Variants in RCAN1 observed in about 807,000 individuals in gnomAD.
RCAN1 encodes the protein regulator of calcineurin 1, also known as calcipressin-1.
RCAN1 carries 11 observed loss-of-function variants against 22.9 expected under a neutral mutation model. That is an observed-to-expected ratio of 0.48 (90% confidence interval 0.30 to 0.79). The LOEUF (loss-of-function observed/expected upper bound fraction) is 0.79, where lower values mean the gene tolerates loss of function less well. Ranked by LOEUF, RCAN1 falls within the 30% of genes least tolerant of loss-of-function variation. RCAN1 has a pLI of 0.06. For missense variants in RCAN1, 291 were observed against 337.8 expected, an observed-to-expected ratio of 0.86 and a Z score of 1.09; for synonymous variants, 136 against 142.3, an observed-to-expected ratio of 0.96 and a Z score of 0.32.
chr21:34,525,020 C>T (rs1601134095), intron 1 of RCAN1: 2 of 1,536,620 alleles, frequency 1.3e-6, no homozygotes, highest in East Asian at 4.9e-5. Context: ...GCAGAAGGGG[C>T]TGGCCAGGAA....
At chr21:34,583,825 C>G (rs1212857633) in intron 1 of RCAN1, among the ~76,000 whole-genome samples, 1 of 152,176 alleles carries the variant, frequency 6.6e-6, no homozygotes, top group Non-Finnish European at 1.5e-5. Flanking sequence ...TTAGAGACCC[C>G]ATGACCATAT....
intron 1 of RCAN1, among the ~76,000 whole-genome samples, chr21:34,550,402 G>A (rs114841256): frequency 0.011 from 1,708 of 152,298 alleles, 22 homozygotes; most frequent in African/African-American, 0.039. Flanking sequence ...TGTATTTGGA[G>A]GTAGGGCCTT....
chr21:34,574,733 T>A (rs902271252), intron 1 of RCAN1, among the ~76,000 whole-genome samples: 9 of 152,268 alleles, frequency 5.9e-5, no homozygotes, highest in Non-Finnish European at 1.2e-4. Flanking sequence ...TTTCAGCAGT[T>A]GTTTGAGTGT....
At chr21:34,551,707 C>T (rs771989168) in intron 1 of RCAN1, among the ~76,000 whole-genome samples, 10 of 152,138 alleles carry the variant, frequency 6.6e-5, no homozygotes, top group Admixed American at 1.3e-4. Flanking sequence ...TTTTCCCTTG[C>T]CACTAATGTC....
intron 1 of RCAN1, among the ~76,000 whole-genome samples, chr21:34,589,778 C>A (rs529438163): frequency 6.6e-6 from 1 of 152,112 alleles, no homozygotes; most frequent in Non-Finnish European, 1.5e-5. Flanking sequence ...CTTCTCCCAC[C>A]CTCGGGCTGG....
intron 1 of RCAN1, among the ~76,000 whole-genome samples, chr21:34,565,094 C>T (rs971282175): frequency 2.6e-5 from 4 of 152,032 alleles, no homozygotes; most frequent in Admixed American, 2.6e-4. Flanking sequence ...CACCTGTGCC[C>T]AGCTACTGGG....
chr21:34,567,760 C>T (rs895955192), intron 1 of RCAN1, among the ~76,000 whole-genome samples: 2 of 152,134 alleles, frequency 1.3e-5, no homozygotes, highest in African/African-American at 2.4e-5. Flanking sequence ...GCAGCACGGG[C>T]GCCACTGGAA....
chr21:34,525,801 T>C (rs1461213324), intron 1 of RCAN1, among the ~76,000 whole-genome samples: 1 of 152,244 alleles, frequency 6.6e-6, no homozygotes, highest in East Asian at 1.9e-4. Flanking sequence ...GAACTCACTT[T>C]GTAGTACTTT....
At chr21:34,593,372 C>T (rs541639727) in intron 1 of RCAN1, among the ~76,000 whole-genome samples, 2 of 152,356 alleles carry the variant, frequency 1.3e-5, no homozygotes, top group South Asian at 4.1e-4. Flanking sequence ...ATATGCAAGG[C>T]TCATCCTCCT....
At chr21:34,547,473 T>C (rs755155987) in intron 1 of RCAN1, among the ~76,000 whole-genome samples, 4 of 152,228 alleles carry the variant, frequency 2.6e-5, no homozygotes, top group Admixed American at 1.3e-4. Flanking sequence ...CCAATGCTAA[T>C]GGATTGAATT....
chr21:34,611,600 C>T (rs1036045855), intron 1 of RCAN1, among the ~76,000 whole-genome samples: 1 of 152,152 alleles, frequency 6.6e-6, no homozygotes, highest in African/African-American at 2.4e-5. Flanking sequence ...CATCACTCTC[C>T]AGATCCAACA....
At chr21:34,579,252 C>T (rs1391778764) in intron 1 of RCAN1, among the ~76,000 whole-genome samples, 1 of 152,062 alleles carries the variant, frequency 6.6e-6, no homozygotes, top group Non-Finnish European at 1.5e-5. Context: ...AAAAATTAGC[C>T]AGGTACGGTG....
At chr21:34,535,608 C>T (rs1181645524) in intron 1 of RCAN1, among the ~76,000 whole-genome samples, 1 of 151,868 alleles carries the variant, frequency 6.6e-6, no homozygotes, top group East Asian at 1.9e-4. Flanking sequence ...CAGCCAGGCA[C>T]AGTTCTGATA....
intron 1 of RCAN1, among the ~76,000 whole-genome samples, chr21:34,593,222 T>C (rs1197670367): frequency 1.3e-5 from 2 of 152,214 alleles, no homozygotes; most frequent in Non-Finnish European, 2.9e-5. Flanking sequence ...GGGAACACTA[T>C]AGTGAAGCAC....
intron 1 of RCAN1, among the ~76,000 whole-genome samples, chr21:34,611,828 G>A (rs1988694395): frequency 6.6e-6 from 1 of 152,188 alleles, no homozygotes; most frequent in Admixed American, 6.5e-5. Context: ...AGCTAAATGA[G>A]AAATGGTCCA....
chr21:34,613,868 G>A, intron 1 of RCAN1: 1 of 1,418,370 alleles, frequency 7.1e-7, no homozygotes, highest in Non-Finnish European at 9.4e-7. Flanking sequence ...TGGACCCACA[G>A]CCAAGCGCTG....
intron 1 of RCAN1, among the ~76,000 whole-genome samples, chr21:34,524,816 C>A (rs761715075): frequency 1.1e-4 from 16 of 152,018 alleles, no homozygotes; most frequent in Non-Finnish European, 1.8e-4. Context: ...AGGGGACAGC[C>A]CCCTAGGCTG....
At chr21:34,593,951 G>A (rs1258264826) in intron 1 of RCAN1, among the ~76,000 whole-genome samples, 1 of 152,092 alleles carries the variant, frequency 6.6e-6, no homozygotes, top group Non-Finnish European at 1.5e-5. Context: ...TTTATTCTGG[G>A]GCTGGAGGCG....
intron 1 of RCAN1, among the ~76,000 whole-genome samples, chr21:34,555,195 A>C (rs761417554): frequency 5.9e-5 from 9 of 152,250 alleles, no homozygotes; most frequent in Non-Finnish European, 8.8e-5. Flanking sequence ...GAAAAGAGAC[A>C]GAAGAGACAG....
Sources: gnomAD v4.1 joint callset for allele counts (sites outside exome capture counted in the v4.1 genomes callset) on GRCh38, gnomAD v4.1.1 for gene constraint, MANE v1.5 for transcripts, NCBI Gene and HGNC (gene_info 2026-07-23, HGNC 2026-07-21) for gene names.